Variants in GABBR2 observed in about 807,000 individuals in gnomAD.
GABBR2 encodes the protein gamma-aminobutyric acid type B receptor subunit 2, also known as G-protein coupled receptor 51.
A neutral mutation model predicts 105.6 loss-of-function variants in GABBR2; 23 were observed. The observed-to-expected ratio is 0.22, with a 90% CI of 0.16 to 0.31. GABBR2 has a LOEUF of 0.31. Ranked by LOEUF, GABBR2 falls within the 10% of genes least tolerant of loss-of-function variation. The pLI is 1.00. For synonymous variants in GABBR2, 478 were observed against 499.7 expected (o/e 0.96, Z 0.58); for missense variants, 734 against 1,245.5 (o/e 0.59, Z 6.18).
rs1179365226 is a variant in GABBR2 at position 98,434,077 on chromosome 9, A to C, written c.1236+19904T>G. On this transcript the variant is annotated intron_variant, in intron 7 of 18. Transcript: ENST00000259455. ...CCCTCAATCTGAGTGGGCACAATCT[A>C]ATCAGCTGCCAATGCAGCCAGAATA... 2.0e-5 allele frequency among the ~76,000 whole-genome samples: 3 copies of C among 152,192 alleles called. No individual in the cohort carries two copies. In the East Asian group the frequency reaches 5.8e-4, roughly 29 times the overall value.
intron 1 of GABBR2, among the ~76,000 whole-genome samples, chr9:98,702,447 C>G (rs1830842585): frequency 6.6e-6 from 1 of 152,198 alleles, no homozygotes; most frequent in East Asian, 1.9e-4. Flanking sequence ...ACTCCAGGCT[C>G]ATTCTGTCTC....
At chr9:98,457,486 C>T (rs12115502) in intron 6 of GABBR2, among the ~76,000 whole-genome samples, 1,607 of 152,210 alleles carry the variant, frequency 0.011, 30 homozygotes, top group African/African-American at 0.037. Context: ...TTGGATTTGG[C>T]CTTGAGGTCA....
At chr9:98,349,344 G>GTTTTTTTTTTTTTTTTTTTTTTTTTTTT (rs1564026872) in intron 13 of GABBR2, among the ~76,000 whole-genome samples, 1 of 105,504 alleles carries the variant, frequency 9.5e-6, no homozygotes, top group Non-Finnish European at 1.8e-5. Flanking sequence ...TTTTGTTGAA[G>GTTTTTTTTTTTTTTTTTTTTTTTTTTTT]TTTTGTTTTT....
chr9:98,505,912 G>A (rs141529373), intron 3 of GABBR2, among the ~76,000 whole-genome samples: 14 of 152,246 alleles, frequency 9.2e-5, no homozygotes, highest in African/African-American at 3.1e-4. Context: ...AGTTTGTGGC[G>A]ATTTGTTTCG....
At chr9:98,339,390 A>G (rs1388820638) in intron 13 of GABBR2, among the ~76,000 whole-genome samples, 1 of 152,180 alleles carries the variant, frequency 6.6e-6, no homozygotes, top group Admixed American at 6.5e-5. Context: ...TCTGCCTTGG[A>G]AAGCTATGAT....
chr9:98,426,706 A>C (rs947280888), intron 7 of GABBR2, among the ~76,000 whole-genome samples: 1 of 152,322 alleles, frequency 6.6e-6, no homozygotes, highest in Admixed American at 6.5e-5. Flanking sequence ...TTAAGAGAAA[A>C]GTGTTAGCAG....
chr9:98,293,150 A>G (rs1830327829), intron 18 of GABBR2, among the ~76,000 whole-genome samples: 2 of 152,312 alleles, frequency 1.3e-5, no homozygotes, highest in South Asian at 4.1e-4. Context: ...CCAATGTGCT[A>G]TAAGATGGGA....
intron 3 of GABBR2, among the ~76,000 whole-genome samples, chr9:98,529,692 C>T (rs1200243304): frequency 6.6e-6 from 1 of 152,108 alleles, no homozygotes; most frequent in Non-Finnish European, 1.5e-5. Flanking sequence ...AAGAAAGTAA[C>T]TGTAATCTTA....
intron 8 of GABBR2, among the ~76,000 whole-genome samples, chr9:98,399,945 A>G (rs1207293939): frequency 2.6e-5 from 4 of 151,694 alleles, no homozygotes; most frequent in African/African-American, 4.8e-5. Context: ...AGGCTGAGAC[A>G]GCAGGAGGAT....
chr9:98,686,105 TAGA>T (rs146331167), intron 1 of GABBR2, among the ~76,000 whole-genome samples: 5,559 of 152,134 alleles, frequency 0.037, 334 homozygotes, highest in African/African-American at 0.13. Context: ...CTGTCTTAGC[TAGA>T]AACCTTCACC....
chr9:98,538,284 C>G (rs1030471028), intron 3 of GABBR2, among the ~76,000 whole-genome samples: 1 of 152,208 alleles, frequency 6.6e-6, no homozygotes, highest in Non-Finnish European at 1.5e-5. Context: ...ATCAGCCCAC[C>G]TGGTACCAAA....
At chr9:98,537,281 G>C (rs1042862371) in intron 3 of GABBR2, among the ~76,000 whole-genome samples, 2 of 152,234 alleles carry the variant, frequency 1.3e-5, no homozygotes, top group Admixed American at 6.5e-5. Flanking sequence ...AGTGAAAGAA[G>C]CCAGACGCAA....
chr9:98,655,220 T>C (rs1830162731), intron 1 of GABBR2, among the ~76,000 whole-genome samples: 1 of 152,186 alleles, frequency 6.6e-6, no homozygotes, highest in African/African-American at 2.4e-5. Flanking sequence ...ATGTACACTG[T>C]GGACGTTGGG....
intron 13 of GABBR2, among the ~76,000 whole-genome samples, chr9:98,332,380 T>C (rs1263553328): frequency 1.1e-4 from 16 of 152,174 alleles, no homozygotes; most frequent in Non-Finnish European, 1.5e-4. Context: ...ATCAGACTGA[T>C]TGACCTCCTT....
intron 7 of GABBR2, among the ~76,000 whole-genome samples, chr9:98,408,753 A>C (rs1390925969): frequency 3.9e-5 from 6 of 152,226 alleles, no homozygotes; most frequent in African/African-American, 1.2e-4. Context: ...ATGCTATGAG[A>C]AGATCAAAAG....
intron 1 of GABBR2, among the ~76,000 whole-genome samples, chr9:98,616,403 T>C (rs114599927): frequency 0.012 from 1,833 of 152,278 alleles, 41 homozygotes; most frequent in African/African-American, 0.042. Context: ...ACAACACAAG[T>C]GCAGCTAGGA....
At chr9:98,292,598 AC>A (rs1347714583) in intron 18 of GABBR2, among the ~76,000 whole-genome samples, 1 of 152,202 alleles carries the variant, frequency 6.6e-6, no homozygotes, top group Non-Finnish European at 1.5e-5. Flanking sequence ...TTAAAGTTGG[AC>A]CTGTATAATG....
chr9:98,488,242 A>G (rs1827100512), intron 4 of GABBR2, among the ~76,000 whole-genome samples: 3 of 152,178 alleles, frequency 2.0e-5, no homozygotes, highest in South Asian at 4.1e-4. Flanking sequence ...CACAGCAGCA[A>G]TGGGAAATGA....
At chr9:98,620,121 C>G (rs1829647688) in intron 1 of GABBR2, among the ~76,000 whole-genome samples, 1 of 152,168 alleles carries the variant, frequency 6.6e-6, no homozygotes, top group Non-Finnish European at 1.5e-5. Flanking sequence ...TCTCCCAAAC[C>G]CCTTGATTTA....
Sources: allele counts gnomAD v4.1 joint callset (sites outside exome capture counted in the v4.1 genomes callset), GRCh38; gene constraint gnomAD v4.1.1; transcripts MANE v1.5; gene names NCBI Gene and HGNC (gene_info 2026-07-23, HGNC 2026-07-21).